ARHGAP15: variants seen among roughly 807,000 people sequenced by gnomAD.
The protein encoded by ARHGAP15 is Rho GTPase activating protein 15.
In ARHGAP15, 51 loss-of-function variants were observed where a neutral mutation model predicts 63.7. That is an observed-to-expected ratio of 0.80 (90% confidence interval 0.64 to 1.01). The LOEUF is 1.01. Ranked by LOEUF, ARHGAP15 falls within the 50% of genes least tolerant of loss-of-function variation. The probability of loss-of-function intolerance (pLI) is 0.00; values close to 1 mark genes in which losing one functional copy is unlikely to be tolerated. For missense variants in ARHGAP15, 560 were observed against 564.6 expected (o/e 0.99, Z 0.08); for synonymous variants, 191 against 193.8 (o/e 0.99, Z 0.12).
At chr2:143,361,420 T>A (rs920496249) in intron 6 of ARHGAP15, among the ~76,000 whole-genome samples, 15 of 152,166 alleles carry the variant, frequency 9.9e-5, no homozygotes, top group Admixed American at 7.9e-4. Flanking sequence ...GGAAGAGCAC[T>A]CTTATGGAAA....
At chr2:143,466,015 G>A (rs1037346204) in intron 8 of ARHGAP15, among the ~76,000 whole-genome samples, 1 of 151,998 alleles carries the variant, frequency 6.6e-6, no homozygotes, top group African/African-American at 2.4e-5. Flanking sequence ...GGTTTACAAT[G>A]GAGACTGACT....
chr2:143,489,749 C>A (rs1380402695), intron 9 of ARHGAP15, among the ~76,000 whole-genome samples: 1 of 152,144 alleles, frequency 6.6e-6, no homozygotes, highest in African/African-American at 2.4e-5. Context: ...AGCAAAATGA[C>A]TTAACTCTTT....
In ARHGAP15 at chr2:143,239,193, G is replaced by GA. The variant is rs35594569; in HGVS notation, c.384+10533dup. 3.2e-3 allele frequency among the ~76,000 whole-genome samples: 485 copies of GA among 151,668 alleles called. 4 individuals are homozygous for GA. Among genetic ancestry groups the GA allele is most frequent in the Non-Finnish European group, 5.5e-3 (376 of 67,896 alleles). On this transcript the variant is annotated intron_variant, in intron 5 of 13. Coordinates refer to ENST00000295095, the MANE Select transcript of ARHGAP15 (RefSeq NM_018460.4). ...ATGTACCCTGAACCTAAAAATGGAA[G>GA]AAAAAAAATGTATTTTTAAAAAGTA...
chr2:143,464,943 A>G (rs1436543643), intron 8 of ARHGAP15, among the ~76,000 whole-genome samples: 1 of 152,124 alleles, frequency 6.6e-6, no homozygotes, highest in Non-Finnish European at 1.5e-5. Context: ...ATTTATTATA[A>G]CAAGTTTTAT....
chr2:143,635,886 T>C (rs1170255816), intron 12 of ARHGAP15, among the ~76,000 whole-genome samples: 1 of 152,172 alleles, frequency 6.6e-6, no homozygotes, highest in Non-Finnish European at 1.5e-5. Context: ...TGGATAATTA[T>C]GAGTGTTTTC....
At chr2:143,656,934 G>GGGGTGTGTGTGTGTGTGTGTGTGTGT (rs1484394918) in intron 12 of ARHGAP15, among the ~76,000 whole-genome samples, 17 of 145,030 alleles carry the variant, frequency 1.2e-4, no homozygotes, top group Non-Finnish European at 2.1e-4. Flanking sequence ...CAAAGTTTCT[G>GGGGTGTGTGTGTGTGTGTGTGTGTGT]GTGTGTGTGT....
At chr2:143,379,397 G>A (rs2104936503) in intron 6 of ARHGAP15, among the ~76,000 whole-genome samples, 1 of 151,650 alleles carries the variant, frequency 6.6e-6, no homozygotes, top group East Asian at 1.9e-4. Flanking sequence ...GCCGATCAGT[G>A]CTTGAATTCA....
chr2:143,230,386 T>C (rs146526092), intron 5 of ARHGAP15, among the ~76,000 whole-genome samples: 14 of 152,364 alleles, frequency 9.2e-5, no homozygotes, highest in Non-Finnish European at 1.6e-4. Context: ...ACTCCCTTTT[T>C]GATTGCAGGC....
chr2:143,640,237 C>T (rs908495036), intron 12 of ARHGAP15, among the ~76,000 whole-genome samples: 4 of 152,006 alleles, frequency 2.6e-5, no homozygotes, highest in African/African-American at 9.7e-5. Flanking sequence ...GTAATTCCTC[C>T]TAGAACAATC....
At chr2:143,254,535 AG>A (rs1680321991) in intron 6 of ARHGAP15, among the ~76,000 whole-genome samples, 1 of 152,234 alleles carries the variant, frequency 6.6e-6, no homozygotes, top group South Asian at 2.1e-4. Context: ...GCCTAGGGAA[AG>A]GAAGTTCGTG....
At chr2:143,753,155 A>G (rs191278038) in intron 13 of ARHGAP15, among the ~76,000 whole-genome samples, 11 of 152,296 alleles carry the variant, frequency 7.2e-5, no homozygotes, top group Admixed American at 5.9e-4. Context: ...AAATACATAC[A>G]TAACATAAAA....
intron 6 of ARHGAP15, among the ~76,000 whole-genome samples, chr2:143,252,844 G>A (rs1420647238): frequency 6.6e-6 from 1 of 152,016 alleles, no homozygotes; most frequent in Non-Finnish European, 1.5e-5. Context: ...AAATCTAGAT[G>A]ACTTGCATCA....
intron 6 of ARHGAP15, among the ~76,000 whole-genome samples, chr2:143,286,991 G>A (rs1020916435): frequency 6.6e-6 from 1 of 152,102 alleles, no homozygotes; most frequent in Non-Finnish European, 1.5e-5. Flanking sequence ...GCTATATATA[G>A]CCAGGTGGGT....
intron 11 of ARHGAP15, among the ~76,000 whole-genome samples, chr2:143,612,839 G>T (rs1305457321): frequency 1.3e-5 from 2 of 152,226 alleles, no homozygotes; most frequent in Non-Finnish European, 2.9e-5. Flanking sequence ...CATCAGTAAA[G>T]TTGAACTAAT....
intron 2 of ARHGAP15, among the ~76,000 whole-genome samples, chr2:143,183,066 G>A (rs977490816): frequency 1.3e-5 from 2 of 152,204 alleles, no homozygotes; most frequent in South Asian, 2.1e-4. Flanking sequence ...ATTAGACCTA[G>A]CACTTCGGCC....
intron 10 of ARHGAP15, among the ~76,000 whole-genome samples, chr2:143,548,941 G>A (rs1413990277): frequency 1.3e-5 from 2 of 151,976 alleles, no homozygotes; most frequent in African/African-American, 4.8e-5. Flanking sequence ...AATAAAAGGA[G>A]AATTGAAAAA....
chr2:143,350,838 CAAAAAAAAAAAAA>C (rs59616405), intron 6 of ARHGAP15: 2 of 57,730 alleles, frequency 3.5e-5, no homozygotes, highest in African/African-American at 1.5e-4. Flanking sequence ...GACTCAGTCT[CAAAAAAAAAAAAA>C]AAAAAAAAAA....
chr2:143,510,435 A>T (rs1377188861), intron 9 of ARHGAP15, among the ~76,000 whole-genome samples: 2 of 152,228 alleles, frequency 1.3e-5, no homozygotes, highest in African/African-American at 4.8e-5. Flanking sequence ...GACAATGCTG[A>T]TGCTGGTGGT....
intron 6 of ARHGAP15, among the ~76,000 whole-genome samples, chr2:143,315,855 C>T (rs868398449): frequency 3.8e-4 from 55 of 144,600 alleles, no homozygotes; most frequent in African/African-American, 1.4e-3. Flanking sequence ...GAGGCAGAGG[C>T]GGGTGGATCA....
Sources: gnomAD v4.1 joint callset for allele counts (sites outside exome capture counted in the v4.1 genomes callset) on GRCh38, gnomAD v4.1.1 for gene constraint, MANE v1.5 for transcripts, NCBI Gene and HGNC (gene_info 2026-07-23, HGNC 2026-07-21) for gene names.